SH3RF3: variants seen among roughly 807,000 people sequenced by gnomAD.
SH3RF3 encodes the protein SH3 domain containing ring finger 3.
In SH3RF3, 29 loss-of-function variants were observed where a neutral mutation model predicts 66.3. That is an observed-to-expected ratio of 0.44 (90% CI 0.33 to 0.60). The LOEUF (loss-of-function observed/expected upper bound fraction) is 0.60. Among genes scored for constraint, SH3RF3 ranks in the 20% least tolerant of loss-of-function variants. The pLI is 0.04. For synonymous variants in SH3RF3, 583 were observed against 532.0 expected, an observed-to-expected ratio of 1.10 and a Z score of -1.32; for missense variants, 1,194 against 1,190.9, an observed-to-expected ratio of 1.00 and a Z score of -0.04.
chr2:109,220,971 A>G (rs1168158205), intron 1 of SH3RF3, among the ~76,000 whole-genome samples: 3 of 152,256 alleles, frequency 2.0e-5, no homozygotes, highest in Admixed American at 6.5e-5. Flanking sequence ...GTGTACACCA[A>G]TGTTCATAAT....
intron 2 of SH3RF3, among the ~76,000 whole-genome samples, chr2:109,369,790 C>A (rs1446910159): frequency 1.3e-5 from 2 of 152,210 alleles, no homozygotes; most frequent in Non-Finnish European, 2.9e-5. Context: ...AACCCTACGG[C>A]CCCCTCCGCT....
Position 109,347,816 on chromosome 2 carries a change from C to T in SH3RF3, c.716C>T (p.Thr239Ile), listed in dbSNP as rs772155064. 1.5e-5 allele frequency: 24 copies of T among 1,613,896 alleles called. No individual in the cohort carries two copies. The highest frequency in any genetic ancestry group is 2.0e-5 in the Non-Finnish European group (24 of 1,179,886). ...EQWYHGELHGTQGFLPASYIQ... is the reference protein window; with the variant it reads ...EQWYHGELHGIQGFLPASYIQ... ...TGGTACCACGGCGAGCTGCACGGCACACAGGGCTTCCTCCCAGCCAGCTAT... is the reference window on the plus strand; with the variant it reads ...TGGTACCACGGCGAGCTGCACGGCATACAGGGCTTCCTCCCAGCCAGCTAT... Residue 239 changes from threonine to isoleucine, a missense_variant, in exon 2 of 10, where the codon ACA becomes ATA. Coordinates refer to ENST00000309415, the MANE Select transcript of SH3RF3 (RefSeq NM_001099289.3).
intron 3 of SH3RF3, among the ~76,000 whole-genome samples, chr2:109,391,748 C>G (rs1249895582): frequency 1.3e-5 from 2 of 152,220 alleles, no homozygotes; most frequent in East Asian, 3.8e-4. Flanking sequence ...AGAACGGCCA[C>G]CAACCCTTGG....
At chr2:109,493,038 A>T (rs1007199158) in intron 9 of SH3RF3, among the ~76,000 whole-genome samples, 3 of 151,828 alleles carry the variant, frequency 2.0e-5, no homozygotes, top group Admixed American at 6.6e-5. Flanking sequence ...ATACAAACAC[A>T]TACCCCACAT....
At chr2:109,140,737 C>A (rs192176502) in intron 1 of SH3RF3, among the ~76,000 whole-genome samples, 2 of 152,134 alleles carry the variant, frequency 1.3e-5, no homozygotes, top group Admixed American at 6.5e-5. Context: ...TGCAAAAGGC[C>A]TATGTGCTCT....
intron 4 of SH3RF3, among the ~76,000 whole-genome samples, chr2:109,414,687 C>T (rs1009198526): frequency 4.6e-5 from 7 of 152,206 alleles, no homozygotes; most frequent in Admixed American, 2.6e-4. Flanking sequence ...CCAGCACCCT[C>T]ATCATCCACA....
chr2:109,330,106 C>T (rs539612665), intron 1 of SH3RF3, among the ~76,000 whole-genome samples: 21 of 152,156 alleles, frequency 1.4e-4, no homozygotes, highest in Non-Finnish European at 2.8e-4. Context: ...ATATGTAGCA[C>T]GGGCATGCAT....
At chr2:109,406,856 A>G (rs1210176249) in intron 4 of SH3RF3, among the ~76,000 whole-genome samples, 1 of 151,838 alleles carries the variant, frequency 6.6e-6, no homozygotes. Context: ...GTCGAAGCCA[A>G]TCTTACAGCC....
At chr2:109,336,713 A>G (rs1218535468) in intron 1 of SH3RF3, among the ~76,000 whole-genome samples, 1 of 152,264 alleles carries the variant, frequency 6.6e-6, no homozygotes, top group Non-Finnish European at 1.5e-5. Flanking sequence ...CTGTAAAAGC[A>G]ACTGCAACAT....
intron 2 of SH3RF3, among the ~76,000 whole-genome samples, chr2:109,360,063 C>CAAAA (rs35020112): frequency 7.4e-6 from 1 of 135,154 alleles, no homozygotes; most frequent in African/African-American, 2.7e-5. Context: ...TTCCTTGCAC[C>CAAAA]AAAAAAAAAA....
intron 4 of SH3RF3, among the ~76,000 whole-genome samples, chr2:109,415,316 C>G (rs4596009): frequency 0.68 from 104,182 of 152,104 alleles, 36,722 homozygotes; most frequent in East Asian, 0.86. Context: ...AAGCACGTGG[C>G]CTGAGTTCAA....
intron 1 of SH3RF3, among the ~76,000 whole-genome samples, chr2:109,135,995 T>C (rs144623366): frequency 5.1e-4 from 78 of 152,290 alleles, no homozygotes; most frequent in African/African-American, 1.3e-3. Context: ...CCGTCATCCG[T>C]AGGACACAAT....
chr2:109,313,054 A>T (rs1291286613), intron 1 of SH3RF3, among the ~76,000 whole-genome samples: 1 of 152,188 alleles, frequency 6.6e-6, no homozygotes, highest in Non-Finnish European at 1.5e-5. Flanking sequence ...GAGGCAGGAG[A>T]CAGGGAACCC....
Position 109,129,853 on chromosome 2 carries a change from G to A in SH3RF3, c.313G>A (p.Val105Met). Residue 105 changes from valine to methionine, a missense_variant, in exon 1 of 10, where the codon GTG becomes ATG. By Grantham distance (21) the Val-to-Met change is conservative. Coordinates refer to ENST00000309415, the MANE Select transcript of SH3RF3 (RefSeq NM_001099289.3). ...PECRILVGCG[V>M]DELPANILLV... ...GTGCCGCATCCTGGTGGGCTGCGGC[G>A]TGGACGAACTGCCCGCCAACATCTT... The A allele has an allele frequency of 1.3e-6, 2 of 1,528,388 alleles. No homozygotes were observed. Among genetic ancestry groups the A allele is most frequent in the South Asian group, 1.2e-5 (1 of 82,566 alleles). 94.7% of individuals were successfully genotyped at this position (1,528,388 alleles called of 1,614,324 possible).
rs568459553 is a variant in SH3RF3, at chr2:109,250,771, GA to G, written c.574-96894del. ...TATAATTTAGTAATTAGCTATTTTA[GA>G]AAAAAAAAGTGCTTCAATAGGGAAT... On this transcript the variant is annotated intron_variant, in intron 1 of 9. Coordinates refer to ENST00000309415, the MANE Select transcript of SH3RF3 (RefSeq NM_001099289.3). Among the ~76,000 whole-genome samples, 67 of 149,696 alleles carry G rather than the reference GA, an allele frequency of 4.5e-4. No homozygotes were observed. In the South Asian group the frequency reaches 6.3e-3, roughly 14 times the overall value.
At chr2:109,255,158 G>T (rs975240397) in intron 1 of SH3RF3, among the ~76,000 whole-genome samples, 1 of 152,180 alleles carries the variant, frequency 6.6e-6, no homozygotes, top group Non-Finnish European at 1.5e-5. Context: ...ATGTGCACGT[G>T]TGCAACTCTT....
Position 109,419,519 on chromosome 2 carries a change from C to T in SH3RF3, c.1300-20C>T, listed in dbSNP as rs1215532526. The stretch of plus-strand genomic sequence containing the variant: ...GGAGTCTCTGTCTCCTCACTCCTGT[C>T]CCCTCTTGTCTGTTTCCAGGATGTC... On this transcript the variant is annotated intron_variant, in intron 4 of 9. Transcript: ENST00000309415. 1.9e-6 allele frequency: 3 copies of T among 1,574,458 alleles called. No homozygotes were observed. The highest frequency in any genetic ancestry group is 2.6e-6 in the Non-Finnish European group (3 of 1,159,612).
intron 2 of SH3RF3, among the ~76,000 whole-genome samples, chr2:109,369,338 A>G (rs533259392): frequency 2.0e-5 from 3 of 151,976 alleles, no homozygotes; most frequent in African/African-American, 7.2e-5. Context: ...ACAGCACAAG[A>G]CTCCGTCTAA....
At chr2:109,475,621 CCT>C (rs1246055516) in intron 8 of SH3RF3, among the ~76,000 whole-genome samples, 2 of 152,250 alleles carry the variant, frequency 1.3e-5, no homozygotes, top group African/African-American at 2.4e-5. Context: ...GCCAGATAAT[CCT>C]CTGTTTTGAG....
Sources: gnomAD v4.1 joint callset for allele counts (sites outside exome capture counted in the v4.1 genomes callset) on GRCh38, gnomAD v4.1.1 for gene constraint, MANE v1.5 for transcripts, NCBI Gene and HGNC (gene_info 2026-07-23, HGNC 2026-07-21) for gene names.